The following KCNAB1 variants were observed in gnomAD, a reference collection of about 807,000 sequenced individuals.
The protein encoded by KCNAB1 is potassium voltage-gated channel subfamily A regulatory beta subunit 1.
Under a neutral mutation model 64.6 loss-of-function variants are expected in KCNAB1, and 35 were observed. The observed-to-expected ratio is 0.54, with a 90% CI of 0.41 to 0.72. The LOEUF (loss-of-function observed/expected upper bound fraction) is 0.72, where lower values mean the gene tolerates loss of function less well. KCNAB1 is among the 30% of genes least tolerant of loss of function. The pLI is 0.00. For missense variants in KCNAB1, 401 were observed against 512.9 expected (o/e 0.78, Z 2.11); for synonymous variants, 177 against 183.8 (o/e 0.96, Z 0.30).
chr3:156,465,731 A>AT, intron 7 of KCNAB1, 45 bp downstream of exon 7: 1 of 1,502,964 alleles, frequency 6.7e-7, no homozygotes, highest in Non-Finnish European at 9.3e-7. Flanking sequence ...TGGGCCCCTC[A>AT]TTCAAGAAAG....
intron 2 of KCNAB1, among the ~76,000 whole-genome samples, chr3:156,431,061 A>T (rs150544868): frequency 8.1e-4 from 124 of 152,284 alleles, no homozygotes; most frequent in African/African-American, 2.8e-3. Flanking sequence ...TTTCCCCATG[A>T]GAAATTTCAA....
At chr3:156,248,832 TA>T (rs1340626710) in intron 1 of KCNAB1, among the ~76,000 whole-genome samples, 2 of 152,178 alleles carry the variant, frequency 1.3e-5, no homozygotes. Flanking sequence ...AGCCCTTTCT[TA>T]ACAGAGATTC....
At chr3:156,207,144 G>A (rs892740484) in intron 1 of KCNAB1, among the ~76,000 whole-genome samples, 5 of 152,338 alleles carry the variant, frequency 3.3e-5, no homozygotes, top group African/African-American at 1.2e-4. Flanking sequence ...AGGCAGACCT[G>A]CATGGCCTAC....
chr3:156,487,752 G>A (rs971849843), intron 8 of KCNAB1, among the ~76,000 whole-genome samples: 4 of 152,012 alleles, frequency 2.6e-5, no homozygotes, highest in African/African-American at 9.7e-5. Flanking sequence ...TTGTATCATC[G>A]CCTTTGAAAC....
At chr3:156,496,682 A>C (rs991752190) in intron 8 of KCNAB1, among the ~76,000 whole-genome samples, 6 of 152,214 alleles carry the variant, frequency 3.9e-5, no homozygotes, top group South Asian at 2.1e-4. Flanking sequence ...TTAGTGGGTC[A>C]TGTAGTAGAA....
intron 1 of KCNAB1, among the ~76,000 whole-genome samples, chr3:156,331,073 G>A (rs1723297520): frequency 6.6e-6 from 1 of 152,164 alleles, no homozygotes; most frequent in Non-Finnish European, 1.5e-5. Flanking sequence ...ATGTGGCTCT[G>A]CCCTCAGGCT....
intron 1 of KCNAB1, among the ~76,000 whole-genome samples, chr3:156,289,821 C>T (rs1232142262): frequency 2.0e-5 from 3 of 152,138 alleles, no homozygotes; most frequent in African/African-American, 7.2e-5. Context: ...TTTATTCCTG[C>T]AGTTTAATTT....
At chr3:156,235,548 G>T (rs1002480370) in intron 1 of KCNAB1, among the ~76,000 whole-genome samples, 3 of 152,200 alleles carry the variant, frequency 2.0e-5, no homozygotes, top group Admixed American at 6.5e-5. Flanking sequence ...GGTGGCCCAC[G>T]TGGCTGACCC....
At chr3:156,500,191 T>G (rs1716302299) in intron 8 of KCNAB1, among the ~76,000 whole-genome samples, 1 of 152,180 alleles carries the variant, frequency 6.6e-6, no homozygotes, top group African/African-American at 2.4e-5. Flanking sequence ...AGGGCCCAGC[T>G]GAATTAGGTG....
At chr3:156,165,054 G>A (rs1254215069) in intron 1 of KCNAB1, among the ~76,000 whole-genome samples, 3 of 151,838 alleles carry the variant, frequency 2.0e-5, no homozygotes, top group Admixed American at 2.0e-4. Flanking sequence ...CGAGGCGGGC[G>A]GATCACGAGG....
chr3:156,252,758 G>A (rs1030616481), intron 1 of KCNAB1, among the ~76,000 whole-genome samples: 1 of 152,204 alleles, frequency 6.6e-6, no homozygotes, highest in African/African-American at 2.4e-5. Context: ...ACTCAGGACA[G>A]GCTTTCTTCT....
chr3:156,150,282 G>A (rs1201274165), intron 1 of KCNAB1, among the ~76,000 whole-genome samples: 1 of 152,170 alleles, frequency 6.6e-6, no homozygotes, highest in East Asian at 1.9e-4. Flanking sequence ...AAATAAGTAT[G>A]TTTTCAAAGT....
At chr3:156,535,914 A>T (rs1025851310) in intron 13 of KCNAB1, among the ~76,000 whole-genome samples, 1 of 151,880 alleles carries the variant, frequency 6.6e-6, no homozygotes, top group Admixed American at 6.6e-5. Context: ...TAAAGTGGGG[A>T]CTCCATAAAA....
intron 1 of KCNAB1, among the ~76,000 whole-genome samples, chr3:156,165,277 C>CAAAAAA (rs35419424): frequency 1.1e-3 from 30 of 27,086 alleles, no homozygotes; most frequent in African/African-American, 1.2e-3. Flanking sequence ...GACTCCGTCT[C>CAAAAAA]AAAAAAAAAA....
intron 2 of KCNAB1, among the ~76,000 whole-genome samples, chr3:156,433,248 A>G (rs973762625): frequency 2.6e-5 from 4 of 152,068 alleles, no homozygotes; most frequent in Non-Finnish European, 5.9e-5. Flanking sequence ...GACACCCTGC[A>G]TTTTTTACTT....
chr3:156,488,127 T>C (rs1441725078), intron 8 of KCNAB1, among the ~76,000 whole-genome samples: 1 of 151,982 alleles, frequency 6.6e-6, no homozygotes, highest in Admixed American at 6.6e-5. Context: ...CCAACTAATA[T>C]TTATTGAGTG....
At chr3:156,204,210 C>T (rs1348823636) in intron 1 of KCNAB1, among the ~76,000 whole-genome samples, 1 of 152,198 alleles carries the variant, frequency 6.6e-6, no homozygotes, top group Admixed American at 6.5e-5. Flanking sequence ...ACTTTCCAAC[C>T]ACTATATTTA....
chr3:156,205,581 G>T (rs933037548), intron 1 of KCNAB1, among the ~76,000 whole-genome samples: 7 of 152,118 alleles, frequency 4.6e-5, no homozygotes, highest in Non-Finnish European at 1.0e-4. Context: ...CCTATACATT[G>T]GTTGTCAGGT....
At chr3:156,526,950 A>G (rs2108416262) in intron 12 of KCNAB1, among the ~76,000 whole-genome samples, 1 of 152,302 alleles carries the variant, frequency 6.6e-6, no homozygotes, top group African/African-American at 2.4e-5. Context: ...GCTCAAGATA[A>G]GGTCTATGCA....
Sources: allele counts gnomAD v4.1 joint callset (sites outside exome capture counted in the v4.1 genomes callset), GRCh38; gene constraint gnomAD v4.1.1; transcripts MANE v1.5; gene names NCBI Gene and HGNC (gene_info 2026-07-23, HGNC 2026-07-21).